Variants in SKIC3 observed in about 807,000 individuals in gnomAD.
The protein encoded by SKIC3 is superkiller complex protein 3.
At chr5:95,536,980 A>C in the SKIC3 span, 5 of 1,601,904 alleles carry the variant, frequency 3.1e-6, no homozygotes, top group South Asian at 5.5e-5. Context: ...AAATGTATTT[A>C]TGAACACTTT....
the SKIC3 span, among the ~76,000 whole-genome samples, chr5:95,468,970 A>G: frequency 6.6e-6 from 1 of 152,182 alleles, no homozygotes; most frequent in African/African-American, 2.4e-5. Context: ...ATGTTAATAA[A>G]TAGTGCTGGA....
the SKIC3 span, chr5:95,464,675 C>A: frequency 5.6e-6 from 9 of 1,612,604 alleles, no homozygotes; most frequent in Non-Finnish European, 7.6e-6. Flanking sequence ...GCATTGTTTA[C>A]CAGCACCTAT....
chr5:95,467,781 A>G, the SKIC3 span: 1 of 1,557,454 alleles, frequency 6.4e-7, no homozygotes, highest in Non-Finnish European at 8.7e-7. Flanking sequence ...ACTTTGAACA[A>G]TAACTCTAAA....
the SKIC3 span, among the ~76,000 whole-genome samples, chr5:95,548,221 A>G: frequency 6.6e-6 from 1 of 152,058 alleles, no homozygotes; most frequent in Non-Finnish European, 1.5e-5. Flanking sequence ...GTAAATATTA[A>G]GTATTTATAG....
At chr5:95,529,992 TTAGA>T in the SKIC3 span, 1 of 1,493,398 alleles carries the variant, frequency 6.7e-7, no homozygotes, top group Admixed American at 1.7e-5. Context: ...CCCTTCCACC[TTAGA>T]TAGACATTCC....
At chr5:95,532,475 A>G in the SKIC3 span, among the ~76,000 whole-genome samples, 1 of 152,140 alleles carries the variant, frequency 6.6e-6, no homozygotes, top group African/African-American at 2.4e-5. Flanking sequence ...AACAGTAATA[A>G]CAACACTAAT....
chr5:95,509,629 T>C, the SKIC3 span: 146 of 1,613,978 alleles, frequency 9.0e-5, no homozygotes, highest in Non-Finnish European at 1.2e-4. Context: ...TTTTCAGTTG[T>C]AGATGTTCGT....
the SKIC3 span, among the ~76,000 whole-genome samples, chr5:95,483,962 G>C: frequency 6.6e-6 from 1 of 152,148 alleles, no homozygotes; most frequent in Non-Finnish European, 1.5e-5. Context: ...GGAAAATATA[G>C]CATTAAGAAG....
the SKIC3 span, among the ~76,000 whole-genome samples, chr5:95,511,776 C>T: frequency 1.3e-5 from 2 of 152,136 alleles, no homozygotes; most frequent in Admixed American, 1.3e-4. Flanking sequence ...TTGTACAAAT[C>T]ATCTTGTTTA....
the SKIC3 span, among the ~76,000 whole-genome samples, chr5:95,490,419 A>AATG: frequency 6.8e-6 from 1 of 147,640 alleles, no homozygotes; most frequent in African/African-American, 2.5e-5. Context: ...TACATTATTT[A>AATG]AATATATATA....
At chr5:95,500,186 A>C in the SKIC3 span, among the ~76,000 whole-genome samples, 1 of 152,304 alleles carries the variant, frequency 6.6e-6, no homozygotes, top group South Asian at 2.1e-4. Context: ...CTAGGCTAGA[A>C]AAATAAAGTT....
chr5:95,528,222 T>A, the SKIC3 span: 1 of 1,583,302 alleles, frequency 6.3e-7, no homozygotes, highest in Non-Finnish European at 8.7e-7. Context: ...TTTTTAAGGA[T>A]GACATATAAT....
At chr5:95,528,141 C>T in the SKIC3 span, 10 of 1,613,456 alleles carry the variant, frequency 6.2e-6, no homozygotes, top group East Asian at 4.5e-5. Flanking sequence ...AGATTATCTA[C>T]GATCTTCAGA....
At chr5:95,485,664 A>G in the SKIC3 span, among the ~76,000 whole-genome samples, 1 of 152,144 alleles carries the variant, frequency 6.6e-6, no homozygotes, top group Non-Finnish European at 1.5e-5. Flanking sequence ...AGATTTTCTG[A>G]AAGAATTTGA....
chr5:95,507,031 T>C, the SKIC3 span: 7 of 1,587,440 alleles, frequency 4.4e-6, no homozygotes, highest in Non-Finnish European at 6.0e-6. Flanking sequence ...AAAAAGGTAT[T>C]TTAATTTATC....
the SKIC3 span, chr5:95,541,881 T>C: frequency 6.2e-7 from 1 of 1,612,692 alleles, no homozygotes; most frequent in Non-Finnish European, 8.5e-7. Context: ...TATGTGATTA[T>C]ATTTCTCATA....
the SKIC3 span, among the ~76,000 whole-genome samples, chr5:95,551,915 A>G: frequency 6.6e-6 from 1 of 152,192 alleles, no homozygotes; most frequent in East Asian, 1.9e-4. Flanking sequence ...TATTCTCTCA[A>G]TCAACTTTGC....
chr5:95,524,894 T>A, the SKIC3 span, among the ~76,000 whole-genome samples: 1 of 152,230 alleles, frequency 6.6e-6, no homozygotes, highest in South Asian at 2.1e-4. Flanking sequence ...TTTTTTTTTT[T>A]ATTTTTTGAG....
At chr5:95,506,868 G>T in the SKIC3 span, 1 of 1,491,958 alleles carries the variant, frequency 6.7e-7, no homozygotes, top group Non-Finnish European at 9.3e-7. Flanking sequence ...CATATCAGCA[G>T]TCCCATAGCT....
Sources: gnomAD v4.1 joint callset for allele counts (sites outside exome capture counted in the v4.1 genomes callset) on GRCh38, gnomAD v4.1.1 for gene constraint, MANE v1.5 for transcripts, NCBI Gene and HGNC (gene_info 2026-07-23, HGNC 2026-07-21) for gene names.